TCEA3: variants seen among roughly 807,000 people sequenced by gnomAD.
TCEA3 encodes the protein transcription elongation factor A protein 3.
Under a neutral mutation model 44.0 loss-of-function variants are expected in TCEA3, and 36 were observed. The observed-to-expected ratio is 0.82, with a 90% CI of 0.63 to 1.08. TCEA3 has a LOEUF of 1.08. TCEA3 is among the 50% of genes least tolerant of loss of function. The pLI, the probability that TCEA3 is intolerant of heterozygous loss-of-function variation, is 0.00. For missense variants in TCEA3, 392 were observed against 441.2 expected, an observed-to-expected ratio of 0.89 and a Z score of 1.00; for synonymous variants, 162 against 159.7, an observed-to-expected ratio of 1.01 and a Z score of -0.11.
At chr1:23,423,145 C>T (rs528779131) in intron 1 of TCEA3, among the ~76,000 whole-genome samples, 13 of 152,274 alleles carry the variant, frequency 8.5e-5, no homozygotes, top group Admixed American at 6.5e-5. Flanking sequence ...GAGTCTGGAA[C>T]GGGGAGTGCA....
intron 9 of TCEA3, among the ~76,000 whole-genome samples, chr1:23,387,044 G>A (rs893609921): frequency 2.0e-5 from 3 of 151,996 alleles, no homozygotes; most frequent in African/African-American, 4.8e-5. Flanking sequence ...GTAGAGATGG[G>A]GTTTCACTGT....
chr1:23,416,049 C>T (rs1438544229), intron 4 of TCEA3, among the ~76,000 whole-genome samples: 1 of 146,586 alleles, frequency 6.8e-6, no homozygotes, highest in Non-Finnish European at 1.5e-5. Context: ...TCTTATTGCC[C>T]AGGCTGGAGT....
At chr1:23,412,785 AG>A (rs1288579955) in intron 4 of TCEA3, among the ~76,000 whole-genome samples, 10 of 152,310 alleles carry the variant, frequency 6.6e-5, no homozygotes, top group African/African-American at 2.4e-4. Context: ...CTGGGAGAGG[AG>A]AGGAAGAAAA....
intron 5 of TCEA3, among the ~76,000 whole-genome samples, chr1:23,399,972 G>A (rs989785105): frequency 6.6e-6 from 1 of 152,028 alleles, no homozygotes; most frequent in African/African-American, 2.4e-5. Flanking sequence ...TACTGTGCCC[G>A]GCCAAAAAAA....
chr1:23,417,939 GC>G lies in TCEA3; in HGVS notation c.202del (p.Ala68ProfsTer12). ...HCSDKEVVSL[A>X]KVLIKNWKRL... ...CTTCCAGTTTTTGATAAGGACTTTGGCCAAGGACACCACCTCCTTGTCTGAG... is the reference window on the plus strand; with the variant it reads ...CTTCCAGTTTTTGATAAGGACTTTGGCAAGGACACCACCTCCTTGTCTGAG... On this transcript the variant is annotated frameshift_variant, in exon 3 of 11. Coordinates refer to ENST00000450454, the MANE Select transcript of TCEA3 (RefSeq NM_003196.3). LOFTEE classifies it high-confidence loss of function. 1 of 1,614,058 alleles carries G rather than the reference GC, an allele frequency of 6.2e-7. No homozygotes were observed. The highest frequency in any genetic ancestry group is 8.5e-7 in the Non-Finnish European group (1 of 1,179,902).
intron 1 of TCEA3, among the ~76,000 whole-genome samples, chr1:23,422,505 C>A (rs1205884325): frequency 1.3e-5 from 2 of 152,144 alleles, no homozygotes; most frequent in Non-Finnish European, 2.9e-5. Context: ...TGAGCTGCAA[C>A]GTGGAGGATC....
At chr1:23,401,541 G>C (rs1027901872) in intron 5 of TCEA3, among the ~76,000 whole-genome samples, 3 of 152,102 alleles carry the variant, frequency 2.0e-5, no homozygotes, top group African/African-American at 7.2e-5. Flanking sequence ...GACAGGGCGT[G>C]AACTCGCGGG....
At position 23,381,354 on chromosome 1, in the gene TCEA3, TCAGA is replaced by T. The variant is rs1422968006; in HGVS notation, c.*108_*111del. ...CTTCCTCTAACTCATACCATCCCACTCAGACAGAGTTCAGTATTTTCCTTCACTT... is the reference window on the plus strand; with the variant it reads ...CTTCCTCTAACTCATACCATCCCACTCAGAGTTCAGTATTTTCCTTCACTT... On this transcript the variant is annotated 3_prime_UTR_variant, in exon 11 of 11. Coordinates refer to ENST00000450454, the MANE Select transcript of TCEA3 (RefSeq NM_003196.3). 5 of 747,820 alleles carry T rather than the reference TCAGA, an allele frequency of 6.7e-6. No homozygotes were observed. The highest frequency in any genetic ancestry group is 5.2e-5 in the African/African-American group (3 of 57,632). 46.3% of individuals were successfully genotyped at this position (747,820 alleles called of 1,614,324 possible). A position where few individuals can be genotyped will look rare whatever the true frequency, so the allele number is the denominator to read the frequency against.
At chr1:23,402,110 G>A (rs1022152962) in intron 5 of TCEA3, among the ~76,000 whole-genome samples, 27 of 152,190 alleles carry the variant, frequency 1.8e-4, no homozygotes, top group African/African-American at 6.0e-4. Flanking sequence ...GCAGATCGAG[G>A]TGGGAGGATC....
At chr1:23,402,396 C>T (rs372762407) in intron 5 of TCEA3, among the ~76,000 whole-genome samples, 22 of 152,294 alleles carry the variant, frequency 1.4e-4, no homozygotes, top group African/African-American at 3.1e-4. Flanking sequence ...AGCCCCTGCA[C>T]GTCCTGCCCC....
intron 5 of TCEA3, among the ~76,000 whole-genome samples, chr1:23,399,136 GTATATATGTATATATA>G (rs1166827109): frequency 1.4e-4 from 8 of 58,688 alleles, no homozygotes; most frequent in African/African-American, 2.6e-4. Flanking sequence ...TTATATATAT[GTATATATGTATATATA>G]TATATATATA....
At chr1:23,383,727 C>A in intron 10 of TCEA3, 2 of 985,512 alleles carry the variant, frequency 2.0e-6, no homozygotes, top group Non-Finnish European at 2.4e-6. Flanking sequence ...AGGCACGTGA[C>A]CACACTCTGT....
At chr1:23,408,835 G>A (rs1169147446) in intron 4 of TCEA3, 109 bp from the exon 5 acceptor site, 2 of 1,073,068 alleles carry the variant, frequency 1.9e-6, no homozygotes, top group African/African-American at 3.2e-5. Context: ...TGAGGCTAAG[G>A]AAGCCCACCC....
intron 10 of TCEA3, chr1:23,384,044 GTGGATC>G (rs1385694720): frequency 1.1e-4 from 140 of 1,244,104 alleles, no homozygotes; most frequent in Non-Finnish European, 1.4e-4. Context: ...CCTCTCCTCT[GTGGATC>G]TCAGGAAGCC....
At chr1:23,406,584 T>G (rs1390348991) in intron 5 of TCEA3, among the ~76,000 whole-genome samples, 1 of 152,180 alleles carries the variant, frequency 6.6e-6, no homozygotes. Flanking sequence ...TCATCCAGGT[T>G]CTTCAGATGT....
In TCEA3 at chr1:23,404,042, G is replaced by A. The variant is rs1345972965; in HGVS notation, c.443+4622C>T. On this transcript the variant is annotated intron_variant, in intron 5 of 10. Coordinates refer to ENST00000450454, the MANE Select transcript of TCEA3 (RefSeq NM_003196.3). ...TCTGCTCCCCGGATGTGCCCGCACC[G>A]CACCAGTCCTTAGAAAATCCTCCTG... 5 of 687,766 alleles carry A rather than the reference G, an allele frequency of 7.3e-6. No homozygotes were observed. The East Asian group carries it at 1.1e-4, about 15-fold the overall frequency. The allele number at this position is 687,766 out of a possible 1,614,324, so 42.6% of individuals were successfully genotyped here.
At chr1:23,395,159 G>A (rs959039508) in intron 7 of TCEA3, among the ~76,000 whole-genome samples, 3 of 152,232 alleles carry the variant, frequency 2.0e-5, no homozygotes, top group Non-Finnish European at 2.9e-5. Context: ...CAATAAAAGT[G>A]TGAAAAGCAA....
chr1:23,385,612 G>C (rs555866181), intron 9 of TCEA3, among the ~76,000 whole-genome samples: 8 of 152,330 alleles, frequency 5.3e-5, no homozygotes, highest in Admixed American at 5.2e-4. Context: ...AATGGTGTGT[G>C]CCGAACAGAC....
intron 8 of TCEA3, among the ~76,000 whole-genome samples, chr1:23,388,199 CTTT>C (rs148219602): frequency 3.7e-4 from 51 of 138,626 alleles, no homozygotes; most frequent in Admixed American, 1.0e-3. Flanking sequence ...GGATTTTAAA[CTTT>C]TTTTTTTTTT....
Sources: allele counts gnomAD v4.1 joint callset (sites outside exome capture counted in the v4.1 genomes callset), GRCh38; gene constraint gnomAD v4.1.1; transcripts MANE v1.5; gene names NCBI Gene and HGNC (gene_info 2026-07-23, HGNC 2026-07-21).